GALNT13: variants seen among roughly 807,000 people sequenced by gnomAD.
GALNT13 encodes UDP-GalNAc:polypeptide N-acetylgalactosaminyltransferase 13.
GALNT13 carries 28 observed loss-of-function variants against 64.2 expected under a neutral mutation model. The observed-to-expected ratio is 0.44, with a 90% CI of 0.32 to 0.60. GALNT13 has a LOEUF of 0.60. Among genes scored for constraint, GALNT13 ranks in the 20% least tolerant of loss-of-function variants. The pLI is 0.05. For missense variants in GALNT13, 577 were observed against 669.8 expected, an observed-to-expected ratio of 0.86 and a Z score of 1.53; for synonymous variants, 214 against 224.6, an observed-to-expected ratio of 0.95 and a Z score of 0.42.
At chr2:153,140,235 G>A in the GALNT13 span, among the ~76,000 whole-genome samples, 1 of 152,004 alleles carries the variant, frequency 6.6e-6, no homozygotes, top group Non-Finnish European at 1.5e-5. Flanking sequence ...CACTATTCCA[G>A]GTCCTTCACA....
chr2:153,353,297 T>G, the GALNT13 span, among the ~76,000 whole-genome samples: 1 of 152,192 alleles, frequency 6.6e-6, no homozygotes, highest in Non-Finnish European at 1.5e-5. Context: ...TACACACTAG[T>G]CTTGCATTCT....
the GALNT13 span, among the ~76,000 whole-genome samples, chr2:153,256,638 G>T: frequency 1.3e-5 from 2 of 152,158 alleles, no homozygotes; most frequent in African/African-American, 2.4e-5. Flanking sequence ...TGTACAGATG[G>T]GATTTTTGTG....
At chr2:153,241,806 T>C in the GALNT13 span, among the ~76,000 whole-genome samples, 2 of 151,866 alleles carry the variant, frequency 1.3e-5, no homozygotes, top group Admixed American at 6.6e-5. Flanking sequence ...CTCCCCCTTA[T>C]AGAAAGAATT....
chr2:153,192,761 CT>C, the GALNT13 span, among the ~76,000 whole-genome samples: 1 of 151,944 alleles, frequency 6.6e-6, no homozygotes, highest in African/African-American at 2.4e-5. Flanking sequence ...TTCTTTGTCT[CT>C]TTTTACTGTT....
the GALNT13 span, among the ~76,000 whole-genome samples, chr2:153,672,332 C>T: frequency 3.9e-5 from 6 of 152,122 alleles, no homozygotes; most frequent in Middle Eastern, 3.2e-3. Flanking sequence ...TGTAAAAGAA[C>T]AGAAATCACA....
intron 10 of GALNT13, among the ~76,000 whole-genome samples, chr2:154,399,204 G>A (rs2551118): frequency 0.34 from 52,047 of 151,770 alleles, 9,319 homozygotes; most frequent in African/African-American, 0.45. Flanking sequence ...TATGGCTTGA[G>A]TCCAGGAGTT....
the GALNT13 span, among the ~76,000 whole-genome samples, chr2:153,514,662 C>T: frequency 6.6e-6 from 1 of 152,202 alleles, no homozygotes; most frequent in East Asian, 1.9e-4. Context: ...TTTCTTGCTC[C>T]AGTCCTCTTC....
chr2:153,615,034 A>G, the GALNT13 span, among the ~76,000 whole-genome samples: 1 of 152,006 alleles, frequency 6.6e-6, no homozygotes, highest in African/African-American at 2.4e-5. Context: ...TTTCACCATC[A>G]ATCCCAGCGT....
chr2:154,137,626 A>G (rs2105569852), intron 3 of GALNT13, among the ~76,000 whole-genome samples: 1 of 152,276 alleles, frequency 6.6e-6, no homozygotes, highest in South Asian at 2.1e-4. Flanking sequence ...GCCTTTGAAT[A>G]TATTGCAAAT....
chr2:153,434,930 C>G, the GALNT13 span, among the ~76,000 whole-genome samples: 1 of 152,144 alleles, frequency 6.6e-6, no homozygotes, highest in Non-Finnish European at 1.5e-5. Context: ...ATGGTATTGC[C>G]TAGATTTTCT....
the GALNT13 span, among the ~76,000 whole-genome samples, chr2:153,216,791 G>C: frequency 6.6e-6 from 1 of 151,638 alleles, no homozygotes; most frequent in Non-Finnish European, 1.5e-5. Flanking sequence ...ATGGAAAAAA[G>C]GTTTTAATTT....
intron 3 of GALNT13, among the ~76,000 whole-genome samples, chr2:153,990,370 A>G (rs1695084376): frequency 6.6e-6 from 1 of 152,124 alleles, no homozygotes; most frequent in Admixed American, 6.6e-5. Flanking sequence ...TTGTATTTAG[A>G]AGACTTTCCC....
the GALNT13 span, among the ~76,000 whole-genome samples, chr2:153,166,621 ATGTGTGTGTGTGTGTGTGTG>A: frequency 1.6e-4 from 20 of 122,748 alleles, no homozygotes; most frequent in Middle Eastern, 4.6e-3. Context: ...TGCCTACTGC[ATGTGTGTGTGTGTGTGTGTG>A]TGTGTGTGTG....
At chr2:153,783,079 G>T in the GALNT13 span, among the ~76,000 whole-genome samples, 1 of 152,204 alleles carries the variant, frequency 6.6e-6, no homozygotes, top group East Asian at 1.9e-4. Flanking sequence ...TGTAAAGGTA[G>T]AAGTGAATTC....
intron 1 of GALNT13, among the ~76,000 whole-genome samples, chr2:153,884,107 TA>T (rs1686971626): frequency 6.6e-6 from 1 of 151,860 alleles, no homozygotes; most frequent in African/African-American, 2.4e-5. Flanking sequence ...ATAGTTAATA[TA>T]AGAAATAGCA....
At chr2:153,181,545 CAATATTT>C in the GALNT13 span, among the ~76,000 whole-genome samples, 1 of 149,586 alleles carries the variant, frequency 6.7e-6, no homozygotes, top group African/African-American at 2.4e-5. Context: ...TGTTTATGCT[CAATATTT>C]AATAATTAAT....
chr2:153,845,239 T>G, the GALNT13 span, among the ~76,000 whole-genome samples: 1 of 152,138 alleles, frequency 6.6e-6, no homozygotes, highest in Non-Finnish European at 1.5e-5. Flanking sequence ...ACTGGGTAAT[T>G]TATAATGAAT....
At chr2:154,314,881 T>A (rs1694243997) in intron 9 of GALNT13, among the ~76,000 whole-genome samples, 1 of 152,174 alleles carries the variant, frequency 6.6e-6, no homozygotes, top group South Asian at 2.1e-4. Context: ...CATCTTTGCC[T>A]GGATTCCAAT....
chr2:153,496,546 G>A, the GALNT13 span, among the ~76,000 whole-genome samples: 4 of 152,032 alleles, frequency 2.6e-5, no homozygotes, highest in African/African-American at 9.7e-5. Flanking sequence ...TCCAGTAATT[G>A]GGTAAAAATA....
Sources: gnomAD v4.1 joint callset for allele counts (sites outside exome capture counted in the v4.1 genomes callset) on GRCh38, gnomAD v4.1.1 for gene constraint, MANE v1.5 for transcripts, NCBI Gene and HGNC (gene_info 2026-07-23, HGNC 2026-07-21) for gene names.